GRM7: variants seen among roughly 807,000 people sequenced by gnomAD.
GRM7 encodes the protein metabotropic glutamate receptor 7.
A neutral mutation model predicts 84.5 loss-of-function variants in GRM7; 35 were observed. The observed-to-expected ratio is 0.41, with a 90% CI of 0.32 to 0.55. The LOEUF is 0.55. Ranked by LOEUF, GRM7 falls within the 20% of genes least tolerant of loss-of-function variation. The pLI, the probability that GRM7 is intolerant of heterozygous loss-of-function variation, is 0.19. For missense variants in GRM7, 1,003 were observed against 1,194.6 expected (o/e 0.84, Z 2.36); for synonymous variants, 487 against 455.1 (o/e 1.07, Z -0.89).
intron 1 of GRM7, among the ~76,000 whole-genome samples, chr3:6,968,979 A>C (rs1693632611): frequency 6.6e-6 from 1 of 152,192 alleles, no homozygotes; most frequent in Non-Finnish European, 1.5e-5. Flanking sequence ...AACTAATTTC[A>C]TTCCTGCCTA....
chr3:7,333,734 A>G (rs2125068986), intron 4 of GRM7, among the ~76,000 whole-genome samples: 1 of 152,194 alleles, frequency 6.6e-6, no homozygotes, highest in Non-Finnish European at 1.5e-5. Flanking sequence ...TGTGGATGAA[A>G]AAGTCTCCAG....
At chr3:7,196,305 C>T (rs1025562647) in intron 2 of GRM7, among the ~76,000 whole-genome samples, 5 of 152,098 alleles carry the variant, frequency 3.3e-5, no homozygotes, top group Admixed American at 3.3e-4. Context: ...AAAGTCCACC[C>T]ATTTAAATGT....
intron 9 of GRM7, among the ~76,000 whole-genome samples, chr3:7,706,243 T>C (rs988264786): frequency 7.2e-5 from 11 of 152,198 alleles, no homozygotes; most frequent in African/African-American, 2.2e-4. Flanking sequence ...TGATCACTTA[T>C]CCATACTATG....
chr3:6,903,638 G>C (rs1190471947), intron 1 of GRM7, among the ~76,000 whole-genome samples: 1 of 152,076 alleles, frequency 6.6e-6, no homozygotes, highest in African/African-American at 2.4e-5. Context: ...GGAACAGGCA[G>C]TTTCTCTCTG....
chr3:7,570,822 A>T (rs1336424227), intron 7 of GRM7, among the ~76,000 whole-genome samples: 2 of 152,210 alleles, frequency 1.3e-5, no homozygotes, highest in African/African-American at 4.8e-5. Context: ...TCTCCATGAG[A>T]GCCCTGCCCT....
chr3:7,262,926 G>GA, intron 2 of GRM7, among the ~76,000 whole-genome samples: 1 of 60,124 alleles, frequency 1.7e-5, no homozygotes, highest in African/African-American at 7.0e-5. Context: ...TTGAACTCCT[G>GA]CCTACAGGTG....
At chr3:7,601,728 C>T (rs1696320939) in intron 8 of GRM7, among the ~76,000 whole-genome samples, 1 of 151,958 alleles carries the variant, frequency 6.6e-6, no homozygotes, top group Non-Finnish European at 1.5e-5. Flanking sequence ...AATTCATGCT[C>T]AAAATATGCT....
intron 4 of GRM7, among the ~76,000 whole-genome samples, chr3:7,398,121 C>A (rs956792668): frequency 2.6e-5 from 4 of 152,138 alleles, no homozygotes; most frequent in African/African-American, 9.7e-5. Context: ...AAAATGACTG[C>A]ATAGTCAGAA....
At position 7,523,817 on chromosome 3, in the gene GRM7, C is replaced by T. The variant is rs961462679; in HGVS notation, c.1516-54605C>T. Among the ~76,000 whole-genome samples the T allele has an allele frequency of 5.3e-5, 8 of 151,892 alleles. No individual in the cohort carries two copies. The East Asian group carries it at 7.7e-4, about 15-fold the overall frequency. On this transcript the variant is annotated intron_variant, in intron 7 of 9. Coordinates refer to ENST00000357716, the MANE Select transcript of GRM7 (RefSeq NM_000844.4). The stretch of plus-strand genomic sequence containing the variant: ...GGGATTAAGGACAGATATGGAAATG[C>T]GGGGATGGGGAGAAGAAGGATTCCA...
chr3:7,297,163 T>A (rs2125019231), intron 2 of GRM7, among the ~76,000 whole-genome samples: 1 of 152,282 alleles, frequency 6.6e-6, no homozygotes, highest in Non-Finnish European at 1.5e-5. Context: ...CACTGCTTTA[T>A]CTGTAACTTA....
intron 9 of GRM7, among the ~76,000 whole-genome samples, chr3:7,735,177 T>A (rs1702462835): frequency 6.6e-6 from 1 of 151,820 alleles, no homozygotes; most frequent in South Asian, 2.1e-4. Flanking sequence ...GTTGGCAGAG[T>A]TGGTGGGGGA....
intron 4 of GRM7, among the ~76,000 whole-genome samples, chr3:7,392,948 G>A (rs539847809): frequency 1.8e-4 from 28 of 152,204 alleles, no homozygotes; most frequent in Admixed American, 3.3e-4. Flanking sequence ...GCTGGGCAGC[G>A]GCTGCAGACA....
At chr3:7,023,760 A>G (rs551016607) in intron 1 of GRM7, among the ~76,000 whole-genome samples, 1 of 152,298 alleles carries the variant, frequency 6.6e-6, no homozygotes, top group South Asian at 2.1e-4. Flanking sequence ...ACCCATCTTA[A>G]TTACCTCTGT....
chr3:7,224,840 C>A (rs751513710), intron 2 of GRM7, among the ~76,000 whole-genome samples: 35 of 152,096 alleles, frequency 2.3e-4, no homozygotes, highest in Non-Finnish European at 8.8e-5. Context: ...AAGTTGAATG[C>A]GTGCACCTAA....
chr3:7,469,780 T>A (rs1698621345), intron 7 of GRM7, among the ~76,000 whole-genome samples: 1 of 152,202 alleles, frequency 6.6e-6, no homozygotes, highest in Non-Finnish European at 1.5e-5. Flanking sequence ...TCTGTGATAT[T>A]TTACAAAATA....
intron 1 of GRM7, among the ~76,000 whole-genome samples, chr3:7,136,719 T>G (rs1693784377): frequency 6.6e-6 from 1 of 152,144 alleles, no homozygotes; most frequent in Non-Finnish European, 1.5e-5. Context: ...TTCCATTTTA[T>G]CCATTTCCTG....
chr3:7,489,756 T>C (rs1264159738), intron 7 of GRM7, among the ~76,000 whole-genome samples: 2 of 152,090 alleles, frequency 1.3e-5, no homozygotes, highest in Non-Finnish European at 2.9e-5. Context: ...TATATTCATA[T>C]AATGAGGTCA....
chr3:7,206,961 A>G (rs1696261012), intron 2 of GRM7, among the ~76,000 whole-genome samples: 1 of 152,218 alleles, frequency 6.6e-6, no homozygotes, highest in Non-Finnish European at 1.5e-5. Flanking sequence ...ATATATATGT[A>G]AAATGAAGTC....
chr3:6,996,051 C>T (rs911002637), intron 1 of GRM7, among the ~76,000 whole-genome samples: 2 of 145,780 alleles, frequency 1.4e-5, no homozygotes, highest in Non-Finnish European at 3.1e-5. Context: ...TATAATTCTA[C>T]AATATATTTT....
Sources: gnomAD v4.1 joint callset for allele counts (sites outside exome capture counted in the v4.1 genomes callset) on GRCh38, gnomAD v4.1.1 for gene constraint, MANE v1.5 for transcripts, NCBI Gene and HGNC (gene_info 2026-07-23, HGNC 2026-07-21) for gene names.